Variants in METTL13 observed in about 807,000 individuals in gnomAD.
The protein encoded by METTL13 is eEF1A lysine and N-terminal methyltransferase.
A neutral mutation model predicts 67.4 loss-of-function variants in METTL13; 52 were observed. The observed-to-expected ratio is 0.77, with a 90% confidence interval of 0.62 to 0.97. METTL13 has a LOEUF of 0.97. Among genes scored for constraint, METTL13 ranks in the 50% least tolerant of loss-of-function variants. The probability of loss-of-function intolerance (pLI) is 0.00; values close to 1 mark genes in which losing one functional copy is unlikely to be tolerated. For synonymous variants in METTL13, 354 were observed against 353.6 expected (o/e 1.00, Z -0.01); for missense variants, 825 against 889.6 (o/e 0.93, Z 0.92).
At chr1:171,782,924 G>T (rs1558128648) in intron 1 of METTL13, among the ~76,000 whole-genome samples, 1 of 152,208 alleles carries the variant, frequency 6.6e-6, no homozygotes, top group South Asian at 2.1e-4. Flanking sequence ...CTTAACATTT[G>T]TGGGGAAGCT....
At position 171,781,998 on chromosome 1, in the gene METTL13, T is replaced by TA; in HGVS notation, c.31_32insA (p.Phe11TyrfsTer5). 6.2e-7 allele frequency: 1 copy of TA among 1,613,962 alleles called. No homozygotes were observed. Among genetic ancestry groups the TA allele is most frequent in the Non-Finnish European group, 8.5e-7 (1 of 1,179,994 alleles). On this transcript the variant is annotated frameshift_variant, in exon 1 of 8. Transcript: ENST00000361735. LOFTEE classifies it high-confidence loss of function. ...CCTCTTACCTAAAAGTTCCAGGGAG[T>TA]TTGGCTCCGTTGACTATTGGGAGAA...
rs778877134 is a variant in METTL13, at chr1:171,783,743, C to T, written c.157C>T (p.Leu53=). The change falls in exon 2 of 8, where the codon CTG becomes TTG. Residue 53 remains leucine, a synonymous_variant. Coordinates refer to ENST00000361735, the MANE Select transcript of METTL13 (RefSeq NM_015935.5). ...HKYIKPREKV[L]VIGCGNSELS... ...TGTCTGTGAATTTTTTCTCCAGGTG[C>T]TGGTGATTGGGTGTGGCAACTCAGA... 1.2e-6 allele frequency: 2 copies of T among 1,600,120 alleles called. No individual in the cohort carries two copies. The highest frequency in any genetic ancestry group is 3.4e-5 in the Admixed American group (2 of 59,168).
Position 171,781,782 on chromosome 1 carries a change from C to A in METTL13, c.-186C>A. ...CGTGTGTGAGATTCAGTGGTCCATG[C>A]GTGCGTTTGTCGTGTAAGGGTCATT... is the stretch of plus-strand genomic sequence containing the variant. On this transcript the variant is annotated 5_prime_UTR_variant, in exon 1 of 8. Coordinates refer to ENST00000361735, the MANE Select transcript of METTL13 (RefSeq NM_015935.5). 1 of 1,411,716 alleles carries A rather than the reference C, an allele frequency of 7.1e-7. No individual in the cohort carries two copies. The highest frequency in any genetic ancestry group is 9.2e-7 in the Non-Finnish European group (1 of 1,082,764). The allele number at this position is 1,411,716 out of a possible 1,614,324, so 87.4% of individuals were successfully genotyped here.
Position 171,782,001 on chromosome 1 carries a change from G to A in METTL13, c.34G>A (p.Gly12Ser). The change falls in exon 1 of 8, where the codon GGC becomes AGC. Residue 12 changes from glycine (G) to serine (S), a missense_variant. By Grantham distance (56) the Gly-to-Ser change is moderately conservative. Coordinates refer to ENST00000361735, the MANE Select transcript of METTL13 (RefSeq NM_015935.5). ...NLLPKSSREF[G>S]SVDYWEKFFQ... ...CTTACCTAAAAGTTCCAGGGAGTTT[G>A]GCTCCGTTGACTATTGGGAGAAGTT... The A allele has an allele frequency of 6.2e-7, 1 of 1,614,182 alleles. No individual in the cohort carries two copies. Among genetic ancestry groups the A allele is most frequent in the Non-Finnish European group, 8.5e-7 (1 of 1,180,050 alleles).
In METTL13 at chr1:171,783,871, G is replaced by A. The variant is rs1287388329; in HGVS notation, c.285G>A (p.Arg95=). 2 of 1,614,072 alleles carry A rather than the reference G, an allele frequency of 1.2e-6. No individual in the cohort carries two copies. The highest frequency in any genetic ancestry group is 1.7e-6 in the Non-Finnish European group (2 of 1,180,050). ...TGAAGGAATGTAATGCCACCCGACGGCCCCAGATGAGCTTCTTGAAGATGG... is the reference window on the plus strand; with the variant it reads ...TGAAGGAATGTAATGCCACCCGACGACCCCAGATGAGCTTCTTGAAGATGG... ...KQMKECNATR[R]PQMSFLKMDM... The change falls in exon 2 of 8, where the codon CGG becomes CGA. Residue 95 remains arginine, a synonymous_variant. Transcript: ENST00000361735.
Position 171,784,440 on chromosome 1 carries a change from A to G in METTL13, c.854A>G (p.His285Arg), listed in dbSNP as rs780845986. Residue 285 changes from histidine (H) to arginine (R), a missense_variant, in exon 2 of 8, where the codon CAC becomes CGC. Transcript: ENST00000361735. ...ACGGGGGAGCCACGCTACACCCTCCACGTGGTGGACAGCCCCACTGTGAAA... is the reference window on the plus strand; with the variant it reads ...ACGGGGGAGCCACGCTACACCCTCCGCGTGGTGGACAGCCCCACTGTGAAA... ...GDTGEPRYTL[H>R]VVDSPTVKPS... 5.3e-6 allele frequency: 8 copies of G among 1,515,358 alleles called. No individual in the cohort carries two copies. Among genetic ancestry groups the G allele is most frequent in the Middle Eastern group, 1.8e-4 (1 of 5,588 alleles). 93.9% of individuals were successfully genotyped at this position (1,515,358 alleles called of 1,614,324 possible). A position where few individuals can be genotyped will look rare whatever the true frequency, so the allele number is the denominator to read the frequency against.
chr1:171,784,269 A>C lies in METTL13; in HGVS notation c.683A>C (p.Gln228Pro). ...CTTCAGATCTTTGAGCTGTGTGCTC[A>C]GGAGCAGCGCAAGCCTGTGCGGCTG... ...SALQIFELCA[Q>P]EQRKPVRLES... The change falls in exon 2 of 8, where the codon CAG becomes CCG. Residue 228 changes from glutamine (Q) to proline (P), a missense_variant. Coordinates refer to ENST00000361735, the MANE Select transcript of METTL13 (RefSeq NM_015935.5). 1 of 1,613,902 alleles carries C rather than the reference A, an allele frequency of 6.2e-7. No individual in the cohort carries two copies. Among genetic ancestry groups the C allele is most frequent in the South Asian group, 1.1e-5 (1 of 91,080 alleles).
chr1:171,789,177 C>T (rs1192156478), intron 4 of METTL13, among the ~76,000 whole-genome samples: 1 of 152,102 alleles, frequency 6.6e-6, no homozygotes, highest in African/African-American at 2.4e-5. Context: ...AACGTTCTCC[C>T]TCATGGGAGT....
intron 5 of METTL13, 42 bp from the exon 6 acceptor site, chr1:171,791,975 A>G: frequency 1.2e-6 from 2 of 1,605,536 alleles, no homozygotes; most frequent in South Asian, 2.2e-5. Flanking sequence ...AGAATTTTCC[A>G]GTGAACAGGT....
At position 171,783,854 on chromosome 1, in the gene METTL13, T is replaced by G. The variant is rs755589575; in HGVS notation, c.268T>G (p.Cys90Gly). ...GGTTGTCATCAAGCAAATGAAGGAA[T>G]GTAATGCCACCCGACGGCCCCAGAT... ...SEVVIKQMKE[C>G]NATRRPQMSF... is the part of the protein sequence containing the mutation. Residue 90 changes from cysteine (C) to glycine (G), a missense_variant, in exon 2 of 8, where the codon TGT becomes GGT. Cys to Gly is a radical substitution (Grantham distance 159). Transcript: ENST00000361735. 6.2e-7 allele frequency: 1 copy of G among 1,614,214 alleles called. No individual in the cohort carries two copies. Among genetic ancestry groups the G allele is most frequent in the East Asian group, 2.2e-5 (1 of 44,880 alleles).
rs747849367 is a variant in METTL13, at chr1:171,792,125, C to G, written c.1583C>G (p.Ser528Cys). The G allele has an allele frequency of 6.2e-7, 1 of 1,613,990 alleles. No homozygotes were observed. The highest frequency in any genetic ancestry group is 1.3e-5 in the African/African-American group (1 of 74,916). ...ATTGATGCTGTGGAGATCGATCCCT[C>G]CATGTTGGAAGTGGCCACCCAGTGG... is the stretch of plus-strand genomic sequence containing the variant. ...SCIDAVEIDP[S>C]MLEVATQWFG... Residue 528 changes from serine (S) to cysteine (C), a missense_variant, in exon 6 of 8, where the codon TCC becomes TGC. Coordinates refer to ENST00000361735, the MANE Select transcript of METTL13 (RefSeq NM_015935.5).
chr1:171,796,221 G>C (rs1336291959), intron 7 of METTL13, among the ~76,000 whole-genome samples: 2 of 152,152 alleles, frequency 1.3e-5, no homozygotes, highest in Non-Finnish European at 2.9e-5. Flanking sequence ...GGAAACTGAG[G>C]CTTGGAGAAT....
chr1:171,792,332 G>T, intron 6 of METTL13, 97 bp downstream of exon 6: 3 of 1,358,994 alleles, frequency 2.2e-6, no homozygotes, highest in South Asian at 2.6e-5. Context: ...TAAGAGAGTG[G>T]CATGAGTATC....
At position 171,783,829 on chromosome 1, in the gene METTL13, G is replaced by A. The variant is rs1656905940; in HGVS notation, c.243G>A (p.Glu81=). The change falls in exon 2 of 8, where the codon GAG becomes GAA. Residue 81 remains glutamate (E), a synonymous_variant. Coordinates refer to ENST00000361735, the MANE Select transcript of METTL13 (RefSeq NM_015935.5). ...YRDIVNIDIS[E]VVIKQMKECN... ...ATATAGTGAACATCGACATCAGTGA[G>A]GTTGTCATCAAGCAAATGAAGGAAT... 1 of 1,614,220 alleles carries A rather than the reference G, an allele frequency of 6.2e-7. No homozygotes were observed. Among genetic ancestry groups the A allele is most frequent in the Admixed American group, 1.7e-5 (1 of 60,032 alleles).
chr1:171,791,220 G>T (rs1304402947), intron 5 of METTL13, among the ~76,000 whole-genome samples: 1 of 152,192 alleles, frequency 6.6e-6, no homozygotes, highest in Non-Finnish European at 1.5e-5. Context: ...TCTCCTTCGG[G>T]TGACTTTTGT....
At position 171,796,615 on chromosome 1, in the gene METTL13, G is replaced by C. The variant is rs745506285; in HGVS notation, c.1959G>C (p.Gln653His). 4 of 1,614,182 alleles carry C rather than the reference G, an allele frequency of 2.5e-6. No individual in the cohort carries two copies. The highest frequency in any genetic ancestry group is 3.4e-6 in the Non-Finnish European group (4 of 1,180,036). Residue 653 changes from glutamine to histidine, a missense_variant, in exon 8 of 8, where the codon CAG (glutamine) becomes CAC (histidine). Transcript: ENST00000361735. ...EGEVNEILFC[Q>H]LHPEQKLATP... The stretch of plus-strand genomic sequence containing the variant: ...AAGTGAATGAGATCCTGTTCTGTCA[G>C]CTGCACCCTGAGCAAAAACTTGCCA...
intron 5 of METTL13, 123 bp downstream of exon 5, chr1:171,790,739 T>A: frequency 9.1e-7 from 1 of 1,095,204 alleles, no homozygotes; most frequent in Non-Finnish European, 1.2e-6. Flanking sequence ...TCTTTCTTCA[T>A]CTCAACCATG....
intron 6 of METTL13, among the ~76,000 whole-genome samples, chr1:171,793,635 G>C (rs1657275394): frequency 6.6e-6 from 1 of 152,172 alleles, no homozygotes; most frequent in African/African-American, 2.4e-5. Context: ...CTAAAAACCT[G>C]TCAGTGGCAT....
chr1:171,784,698 A>G (rs925795114), intron 2 of METTL13, among the ~76,000 whole-genome samples, 199 bp downstream of exon 2: 1 of 152,172 alleles, frequency 6.6e-6, no homozygotes, highest in South Asian at 2.1e-4. Flanking sequence ...CTAGCAACCT[A>G]CTTGGAGTTG....
Sources: allele counts gnomAD v4.1 joint callset (sites outside exome capture counted in the v4.1 genomes callset), GRCh38; gene constraint gnomAD v4.1.1; transcripts MANE v1.5; gene names NCBI Gene and HGNC (gene_info 2026-07-23, HGNC 2026-07-21).